Variants in CENPP observed in about 807,000 individuals in gnomAD.
CENPP encodes centromere protein P.
CENPP carries 24 observed loss-of-function variants against 35.6 expected under a neutral mutation model. The ratio of observed to expected loss-of-function variants is 0.67; its 90% CI spans 0.49 to 0.95. The LOEUF (loss-of-function observed/expected upper bound fraction) is 0.95, where lower values mean the gene tolerates loss of function less well. Among genes scored for constraint, CENPP ranks in the 40% least tolerant of loss-of-function variants. The pLI is 0.00. For synonymous variants in CENPP, 120 were observed against 125.5 expected (o/e 0.96, Z 0.29); for missense variants, 332 against 345.3 (o/e 0.96, Z 0.31).
rs1431883018 is a variant in CENPP, at chr9:92,325,961, A to G, written c.-38A>G. 7.3e-6 allele frequency: 11 copies of G among 1,515,718 alleles called. No homozygotes were observed. Among genetic ancestry groups the G allele is most frequent in the Non-Finnish European group, 9.0e-6 (10 of 1,116,626 alleles). The allele number at this position is 1,515,718 out of a possible 1,614,324, so 93.9% of individuals were successfully genotyped here. ...GGTGAAGCGCGCAGGTCGGAGTGAC[A>G]GCTGCGCTGCCGGCCCGGCTGCGGT... is the stretch of plus-strand genomic sequence containing the variant. On this transcript the variant is annotated 5_prime_UTR_variant, in exon 1 of 8. Transcript: ENST00000375587.
intron 5 of CENPP, among the ~76,000 whole-genome samples, chr9:92,559,191 C>T (rs1849793475): frequency 6.6e-6 from 1 of 152,176 alleles, no homozygotes; most frequent in Admixed American, 6.5e-5. Flanking sequence ...AATTCATTCT[C>T]CCTGTGGAGT....
Position 92,618,101 on chromosome 9 carries a change from TCACAG to T in CENPP, c.*4953_*4957del. 1 of 380,612 alleles carries T rather than the reference TCACAG, an allele frequency of 2.6e-6. No homozygotes were observed. Among genetic ancestry groups the T allele is most frequent in the Non-Finnish European group, 5.2e-6 (1 of 190,794 alleles). 23.6% of individuals were successfully genotyped at this position (380,612 alleles called of 1,614,324 possible). The stretch of plus-strand genomic sequence containing the variant: ...CTAGAGCACCACAGTTACTGGAACT[TCACAG>T]GTGCGGCCACTGCGCACACCTTCCT... On this transcript the variant is annotated 3_prime_UTR_variant, in exon 8 of 8. Transcript: ENST00000375587.
intron 5 of CENPP, among the ~76,000 whole-genome samples, chr9:92,423,465 A>G (rs1445991234): frequency 6.6e-6 from 1 of 152,156 alleles, no homozygotes; most frequent in Non-Finnish European, 1.5e-5. Flanking sequence ...TAAAGACATA[A>G]TTGTTTTTAT....
chr9:92,583,176 G>A (rs1406361413), intron 5 of CENPP, among the ~76,000 whole-genome samples: 5 of 152,138 alleles, frequency 3.3e-5, no homozygotes, highest in African/African-American at 9.7e-5. Context: ...TTATCTGTGG[G>A]ATCAAGATCA....
intron 5 of CENPP, among the ~76,000 whole-genome samples, chr9:92,563,805 T>C (rs1588278642): frequency 2.2e-5 from 2 of 90,126 alleles, no homozygotes; most frequent in Admixed American, 1.1e-4. Flanking sequence ...CTCCTCCTCC[T>C]CCCAAAGTGG....
chr9:92,356,991 T>G (rs187939585), intron 4 of CENPP, among the ~76,000 whole-genome samples: 19 of 152,316 alleles, frequency 1.2e-4, no homozygotes, highest in Admixed American at 3.3e-4. Flanking sequence ...TAATAATTCT[T>G]TAAAATGCAT....
At position 92,385,905 on chromosome 9, in the gene CENPP, CT is replaced by C. The variant is rs1842400639; in HGVS notation, c.564+6048del. On this transcript the variant is annotated intron_variant, in intron 5 of 7. Transcript: ENST00000375587. ...TCTGAGTGCCCCCTCACTTCAAATC[CT>C]TGTGTCAAATTAATTAGGAAATACT... The C allele has an allele frequency of 1.5e-5, 14 of 923,152 alleles. No individual in the cohort carries two copies. The East Asian group carries it at 3.0e-4, about 20-fold the overall frequency. The allele number at this position is 923,152 out of a possible 1,614,324, so 57.2% of individuals were successfully genotyped here.
chr9:92,570,732 A>G (rs1850115316), intron 5 of CENPP, among the ~76,000 whole-genome samples: 2 of 152,186 alleles, frequency 1.3e-5, no homozygotes, highest in Admixed American at 6.5e-5. Context: ...TTGGTAGGCT[A>G]TTAATTATTG....
At chr9:92,389,962 A>T in intron 5 of CENPP, 4 of 1,610,764 alleles carry the variant, frequency 2.5e-6, no homozygotes, top group Non-Finnish European at 3.4e-6. Context: ...GATTTTCAGC[A>T]AGTGAAAGTT....
intron 5 of CENPP, among the ~76,000 whole-genome samples, chr9:92,408,450 C>G (rs1339283142): frequency 6.6e-6 from 1 of 152,188 alleles, no homozygotes; most frequent in Non-Finnish European, 1.5e-5. Context: ...TCCCAAAGTA[C>G]TGGGATTACA....
chr9:92,517,672 G>C lies in CENPP; in HGVS notation c.565-93642G>C, dbSNP rs765276280. 7 of 1,613,834 alleles carry C rather than the reference G, an allele frequency of 4.3e-6. No homozygotes were observed. The African/African-American group carries it at 5.3e-5, about 12-fold the overall frequency. On this transcript the variant is annotated intron_variant, in intron 5 of 7. Coordinates refer to ENST00000375587, the MANE Select transcript of CENPP (RefSeq NM_001012267.3). Reference sequence around the variant, plus strand: ...TAATCACACACTGATATTTTGCTTAGCTAAATCTCTGTACCAGTAGCGGAG... The same window carrying C: ...TAATCACACACTGATATTTTGCTTACCTAAATCTCTGTACCAGTAGCGGAG...
Position 92,517,855 on chromosome 9 carries a change from C to T in CENPP, c.565-93459C>T, listed in dbSNP as rs1162601782. 1 of 1,614,132 alleles carries T rather than the reference C, an allele frequency of 6.2e-7. No homozygotes were observed. Among genetic ancestry groups the T allele is most frequent in the South Asian group, 1.1e-5 (1 of 91,076 alleles). ...TTGTTGTACATGGTTATGCCCTTTA[C>T]CAAACAGTGTCCCTTCTTTCCTAGA... is the stretch of plus-strand genomic sequence containing the variant. On this transcript the variant is annotated intron_variant, in intron 5 of 7. Coordinates refer to ENST00000375587, the MANE Select transcript of CENPP (RefSeq NM_001012267.3).
chr9:92,437,404 T>C (rs1844273161), intron 5 of CENPP, among the ~76,000 whole-genome samples: 1 of 151,800 alleles, frequency 6.6e-6, no homozygotes, highest in African/African-American at 2.4e-5. Flanking sequence ...CTTTTGTCTT[T>C]TTTTTTGTTT....
chr9:92,396,930 C>G (rs747193596), intron 5 of CENPP, among the ~76,000 whole-genome samples: 17 of 152,038 alleles, frequency 1.1e-4, no homozygotes, highest in Non-Finnish European at 2.2e-4. Flanking sequence ...AATCTTGGCA[C>G]TTTTAGAGGC....
chr9:92,377,044 A>G (rs532919508), intron 4 of CENPP, among the ~76,000 whole-genome samples: 1 of 151,864 alleles, frequency 6.6e-6, no homozygotes, highest in East Asian at 1.9e-4. Flanking sequence ...AAAAAAAAAA[A>G]AGAAAGAAAA....
chr9:92,407,115 C>G (rs117516582), intron 5 of CENPP, among the ~76,000 whole-genome samples: 1 of 152,124 alleles, frequency 6.6e-6, no homozygotes, highest in African/African-American at 2.4e-5. Flanking sequence ...CATTGCCTTA[C>G]GTTGATATGT....
At chr9:92,336,211 G>T (rs1022175184) in intron 2 of CENPP, among the ~76,000 whole-genome samples, 1 of 151,940 alleles carries the variant, frequency 6.6e-6, no homozygotes. Context: ...TGCAATTTTG[G>T]CAGGAAAACT....
chr9:92,412,179 G>C (rs1370637481), intron 5 of CENPP, among the ~76,000 whole-genome samples: 1 of 151,818 alleles, frequency 6.6e-6, no homozygotes, highest in Non-Finnish European at 1.5e-5. Flanking sequence ...CTTGGTCTCC[G>C]GGGCTCAAGC....
At chr9:92,483,377 C>T (rs1485072825) in intron 5 of CENPP, among the ~76,000 whole-genome samples, 5 of 152,094 alleles carry the variant, frequency 3.3e-5, no homozygotes, top group Non-Finnish European at 4.4e-5. Flanking sequence ...TGCAGGCGCC[C>T]GCCACCACGC....
Sources: allele counts gnomAD v4.1 joint callset (sites outside exome capture counted in the v4.1 genomes callset), GRCh38; gene constraint gnomAD v4.1.1; transcripts MANE v1.5; gene names NCBI Gene and HGNC (gene_info 2026-07-23, HGNC 2026-07-21).